The following ULK4 variants were observed in gnomAD, a reference collection of about 807,000 sequenced individuals.
The protein encoded by ULK4 is inactive serine/threonine-protein kinase ULK4.
ULK4 carries 133 observed loss-of-function variants against 160.6 expected under a neutral mutation model. The observed-to-expected ratio is 0.83, with a 90% CI of 0.72 to 0.96. The LOEUF is 0.96. ULK4 is among the 40% of genes least tolerant of loss of function. The probability of loss-of-function intolerance (pLI) is 0.00; values close to 1 mark genes in which losing one functional copy is unlikely to be tolerated. For synonymous variants in ULK4, 534 were observed against 539.8 expected, an observed-to-expected ratio of 0.99 and a Z score of 0.15; for missense variants, 1,580 against 1,499.5, an observed-to-expected ratio of 1.05 and a Z score of -0.89.
At chr3:41,419,301 G>A (rs889263969) in intron 34 of ULK4, among the ~76,000 whole-genome samples, 11 of 152,110 alleles carry the variant, frequency 7.2e-5, no homozygotes, top group African/African-American at 2.7e-4. Flanking sequence ...TACAAGGAGA[G>A]GCTAGAAAAC....
intron 20 of ULK4, among the ~76,000 whole-genome samples, chr3:41,796,056 CAGTCTGAG>C (rs2040292300): frequency 6.6e-6 from 1 of 152,074 alleles, no homozygotes; most frequent in African/African-American, 2.4e-5. Flanking sequence ...ATCCATATGT[CAGTCTGAG>C]AAAGGAGGTC....
intron 17 of ULK4, among the ~76,000 whole-genome samples, chr3:41,837,972 G>A (rs1253875491): frequency 2.0e-5 from 3 of 152,176 alleles, no homozygotes; most frequent in Admixed American, 6.5e-5. Flanking sequence ...AAGTGGGTGA[G>A]GAAGAAAAAG....
intron 21 of ULK4, among the ~76,000 whole-genome samples, chr3:41,758,962 A>G (rs2038899232): frequency 6.6e-6 from 1 of 152,116 alleles, no homozygotes; most frequent in African/African-American, 2.4e-5. Flanking sequence ...ATAAAAAACC[A>G]TTTTACAAAA....
intron 17 of ULK4, among the ~76,000 whole-genome samples, chr3:41,856,582 TATATACAC>T (rs2042362432): frequency 3.7e-5 from 3 of 81,794 alleles, no homozygotes; most frequent in Non-Finnish European, 6.9e-5. Flanking sequence ...TATGTGTATA[TATATACAC>T]ATATATATAT....
At chr3:41,678,058 A>C (rs372806945) in intron 29 of ULK4, among the ~76,000 whole-genome samples, 1 of 152,126 alleles carries the variant, frequency 6.6e-6, no homozygotes, top group Middle Eastern at 3.2e-3. Flanking sequence ...GCCAGCTTTC[A>C]GACAGCAACT....
chr3:41,540,378 T>C (rs1246040463), intron 32 of ULK4, among the ~76,000 whole-genome samples: 2 of 152,234 alleles, frequency 1.3e-5, no homozygotes, highest in African/African-American at 4.8e-5. Context: ...CATTCTTTTT[T>C]ATGGCTGCAT....
chr3:41,300,738 T>C (rs2079769759), intron 35 of ULK4, among the ~76,000 whole-genome samples: 1 of 151,090 alleles, frequency 6.6e-6, no homozygotes, highest in Non-Finnish European at 1.5e-5. Flanking sequence ...CTAGCCATGA[T>C]ACAAGTGATT....
intron 32 of ULK4, among the ~76,000 whole-genome samples, chr3:41,543,898 T>C (rs2125956474): frequency 6.6e-6 from 1 of 152,316 alleles, no homozygotes; most frequent in South Asian, 2.1e-4. Context: ...TGTCTCTTTA[T>C]ATTATCTACT....
intron 25 of ULK4, 64 bp downstream of exon 25, chr3:41,715,173 A>T (rs2037224459): frequency 2.7e-6 from 4 of 1,507,082 alleles, no homozygotes; most frequent in Non-Finnish European, 2.7e-6. Flanking sequence ...CTGACATCAA[A>T]TTCTACAAAC....
intron 32 of ULK4, among the ~76,000 whole-genome samples, chr3:41,560,115 A>C (rs2087507604): frequency 6.6e-6 from 1 of 152,192 alleles, no homozygotes; most frequent in African/African-American, 2.4e-5. Flanking sequence ...ACCATTTATT[A>C]AATAGGAAAT....
chr3:41,306,808 C>A (rs1322589488), intron 35 of ULK4, among the ~76,000 whole-genome samples: 1 of 151,720 alleles, frequency 6.6e-6, no homozygotes, highest in Non-Finnish European at 1.5e-5. Context: ...ACTAAGAAAA[C>A]TTCTTCTGCC....
intron 32 of ULK4, among the ~76,000 whole-genome samples, chr3:41,476,688 G>T (rs1282807896): frequency 6.6e-6 from 1 of 151,846 alleles, no homozygotes; most frequent in Non-Finnish European, 1.5e-5. Context: ...GTTACCTGTG[G>T]CTTAGATCAG....
intron 7 of ULK4, among the ~76,000 whole-genome samples, 183 bp downstream of exon 7, chr3:41,918,274 C>T (rs894300953): frequency 1.3e-5 from 2 of 152,076 alleles, no homozygotes; most frequent in African/African-American, 4.8e-5. Context: ...ACTTTGTTTT[C>T]TGTTTCAGCA....
chr3:41,435,356 T>A (rs2083010202), intron 34 of ULK4, among the ~76,000 whole-genome samples: 1 of 152,104 alleles, frequency 6.6e-6, no homozygotes, highest in Non-Finnish European at 1.5e-5. Flanking sequence ...CTACTAATGA[T>A]CACAGGGTGT....
chr3:41,805,499 G>A (rs2040613342), intron 19 of ULK4, among the ~76,000 whole-genome samples: 1 of 151,976 alleles, frequency 6.6e-6, no homozygotes, highest in African/African-American at 2.4e-5. Context: ...TGATTGCCCT[G>A]GCCAGAACTT....
intron 32 of ULK4, among the ~76,000 whole-genome samples, chr3:41,549,930 AC>A (rs1446834889): frequency 1.1e-4 from 16 of 152,120 alleles, no homozygotes; most frequent in African/African-American, 3.9e-4. Flanking sequence ...AACAACAAAA[AC>A]CCTGTGAGCT....
chr3:41,569,844 C>T (rs2087910186), intron 31 of ULK4, among the ~76,000 whole-genome samples: 1 of 151,976 alleles, frequency 6.6e-6, no homozygotes, highest in South Asian at 2.1e-4. Flanking sequence ...CTTCTCTCTC[C>T]TAGGTATACA....
intron 30 of ULK4, among the ~76,000 whole-genome samples, chr3:41,636,674 T>C (rs2033962846): frequency 1.3e-5 from 2 of 152,134 alleles, no homozygotes; most frequent in African/African-American, 4.8e-5. Context: ...GTTACATATG[T>C]ATACATGTGC....
chr3:41,682,754 C>T (rs2035964241), intron 27 of ULK4, among the ~76,000 whole-genome samples: 1 of 152,218 alleles, frequency 6.6e-6, no homozygotes, highest in South Asian at 2.1e-4. Context: ...ACTGAAAGCA[C>T]AGATATCATG....
Sources: allele counts gnomAD v4.1 joint callset (sites outside exome capture counted in the v4.1 genomes callset), GRCh38; gene constraint gnomAD v4.1.1; transcripts MANE v1.5; gene names NCBI Gene and HGNC (gene_info 2026-07-23, HGNC 2026-07-21).